EPHA4: variants seen among roughly 807,000 people sequenced by gnomAD.
EPHA4 encodes the protein EPH receptor A4.
EPHA4 carries 19 observed loss-of-function variants against 108.3 expected under a neutral mutation model. The ratio of observed to expected loss-of-function variants is 0.18; its 90% CI spans 0.12 to 0.26. EPHA4 has a LOEUF of 0.26. Ranked by LOEUF, EPHA4 falls within the 10% of genes least tolerant of loss-of-function variation. The pLI is 1.00. For missense variants in EPHA4, 917 were observed against 1,254.0 expected (o/e 0.73, Z 4.06); for synonymous variants, 449 against 455.5 (o/e 0.99, Z 0.18).
chr2:221,494,375 G>C (rs576781365), intron 4 of EPHA4, among the ~76,000 whole-genome samples: 1 of 152,288 alleles, frequency 6.6e-6, no homozygotes, highest in Non-Finnish European at 1.5e-5. Flanking sequence ...AGGCCTAGGC[G>C]GGCGGATCGC....
chr2:221,548,436 G>A (rs1035724204), intron 3 of EPHA4, among the ~76,000 whole-genome samples: 14 of 151,792 alleles, frequency 9.2e-5, no homozygotes, highest in Admixed American at 3.3e-4. Flanking sequence ...ATGCCTGTTC[G>A]CCTTTGCCTT....
intron 3 of EPHA4, among the ~76,000 whole-genome samples, chr2:221,554,040 AAGAAG>A (rs1694236984): frequency 6.6e-6 from 1 of 151,428 alleles, no homozygotes. Flanking sequence ...GTAACTTATT[AAGAAG>A]AGGTTAGTAA....
At chr2:221,484,858 C>T (rs978488320) in intron 4 of EPHA4, among the ~76,000 whole-genome samples, 2 of 152,244 alleles carry the variant, frequency 1.3e-5, no homozygotes, top group Middle Eastern at 3.4e-3. Flanking sequence ...GTGTTCCTCA[C>T]TAAAGGTATA....
chr2:221,456,599 G>A lies in EPHA4; in HGVS notation c.1603+14C>T, dbSNP rs762109879. ...TAGCCTCAGAAGTGACTGAGTCTGG[G>A]TGGTCCTTGTTACCTGTGTTGGTTG... On this transcript the variant is annotated intron_variant, in intron 7 of 17. Coordinates refer to ENST00000281821, the MANE Select transcript of EPHA4 (RefSeq NM_004438.5). The A allele has an allele frequency of 6.2e-7, 1 of 1,613,104 alleles. No individual in the cohort carries two copies. The highest frequency in any genetic ancestry group is 8.5e-7 in the Non-Finnish European group (1 of 1,179,310).
intron 17 of EPHA4, among the ~76,000 whole-genome samples, chr2:221,424,141 T>TAATAA (rs201757702): frequency 2.2e-4 from 21 of 93,776 alleles, no homozygotes; most frequent in South Asian, 7.3e-4. Context: ...ATAATAATAA[T>TAATAA]TTTTTTTTTT....
intron 17 of EPHA4, chr2:221,421,994 C>G (rs1379498570): frequency 6.6e-6 from 1 of 151,678 alleles, no homozygotes; most frequent in African/African-American, 2.4e-5. Flanking sequence ...AATTCCAGCA[C>G]TTTGGGAGCC....
chr2:221,444,531 T>A (rs1044260099), intron 9 of EPHA4, among the ~76,000 whole-genome samples: 2 of 152,084 alleles, frequency 1.3e-5, no homozygotes, highest in African/African-American at 4.8e-5. Context: ...GCTCCTTAAA[T>A]TGGCAATTTC....
At chr2:221,460,384 G>A (rs1691100899) in intron 5 of EPHA4, among the ~76,000 whole-genome samples, 1 of 152,152 alleles carries the variant, frequency 6.6e-6, no homozygotes, top group South Asian at 2.1e-4. Context: ...TTCAACCAAG[G>A]AAAAGTAGAA....
chr2:221,481,049 ACT>A (rs1389726982), intron 5 of EPHA4, among the ~76,000 whole-genome samples: 7 of 152,024 alleles, frequency 4.6e-5, no homozygotes, highest in Non-Finnish European at 5.9e-5. Context: ...AGCCACTCTA[ACT>A]CTGTTTCCCT....
intron 4 of EPHA4, among the ~76,000 whole-genome samples, chr2:221,498,947 C>T (rs1454321494): frequency 2.6e-5 from 4 of 151,772 alleles, no homozygotes; most frequent in African/African-American, 9.7e-5. Context: ...CACACCACCA[C>T]GCCTGTCTAA....
At chr2:221,515,183 C>T (rs145076756) in intron 3 of EPHA4, among the ~76,000 whole-genome samples, 1,562 of 152,292 alleles carry the variant, frequency 0.01, 16 homozygotes, top group Non-Finnish European at 0.017. Context: ...GCAACCTCTG[C>T]CTCCTGGGTT....
intron 5 of EPHA4, among the ~76,000 whole-genome samples, chr2:221,481,819 C>T (rs1019238104): frequency 2.6e-5 from 4 of 152,130 alleles, no homozygotes; most frequent in Non-Finnish European, 5.9e-5. Flanking sequence ...GCTGCTAATG[C>T]TTTTGTTAGA....
At position 221,563,657 on chromosome 2, in the gene EPHA4, C is replaced by T. The variant is rs1694533405; in HGVS notation, c.823+74G>A. ...GGGGCTACTAATTACTGGCTTTACT[C>T]CATTTAGTCTCATCTCTGATTTAAT... On this transcript the variant is annotated intron_variant, in intron 3 of 17. Transcript: ENST00000281821. 3.3e-6 allele frequency: 5 copies of T among 1,530,872 alleles called. No homozygotes were observed. In the Admixed American group the frequency reaches 7.2e-5, roughly 22 times the overall value. 94.8% of individuals were successfully genotyped at this position (1,530,872 alleles called of 1,614,324 possible).
intron 2 of EPHA4, among the ~76,000 whole-genome samples, chr2:221,567,054 GA>G (rs1694690413): frequency 6.6e-6 from 1 of 150,554 alleles, no homozygotes; most frequent in African/African-American, 2.4e-5. Flanking sequence ...AAGCTTTCCA[GA>G]AACTAGATAG....
Position 221,566,595 on chromosome 2 carries a change from C to T in EPHA4, c.159+2123G>A, listed in dbSNP as rs1043681076. The stretch of plus-strand genomic sequence containing the variant: ...TAAAATTATTTATCTTACAATAATG[C>T]TTAAAATGTTACATGCCTAATATTT... On this transcript the variant is annotated intron_variant, in intron 2 of 17. Coordinates refer to ENST00000281821, the MANE Select transcript of EPHA4 (RefSeq NM_004438.5). Among the ~76,000 whole-genome samples the T allele has an allele frequency of 4.6e-5, 7 of 151,528 alleles. No homozygotes were observed. The East Asian group carries it at 1.4e-3, about 29-fold the overall frequency.
intron 3 of EPHA4, among the ~76,000 whole-genome samples, chr2:221,528,875 C>T (rs1251607431): frequency 6.6e-6 from 1 of 152,152 alleles, no homozygotes; most frequent in Non-Finnish European, 1.5e-5. Flanking sequence ...TAAAGGCATG[C>T]TCTTATCCTC....
chr2:221,443,391 A>C (rs996942684), intron 10 of EPHA4, 102 bp downstream of exon 10: 1 of 806,680 alleles, frequency 1.2e-6, no homozygotes, highest in Non-Finnish European at 2.0e-6. Context: ...ATGTATATAC[A>C]CACATATAAT....
intron 3 of EPHA4, among the ~76,000 whole-genome samples, chr2:221,509,887 G>C (rs1359741546): frequency 1.3e-5 from 2 of 152,182 alleles, no homozygotes; most frequent in African/African-American, 4.8e-5. Context: ...GCCTGAACTT[G>C]GTTTTTAGCT....
At chr2:221,441,852 C>T (rs1334598611) in intron 11 of EPHA4, among the ~76,000 whole-genome samples, 1 of 152,182 alleles carries the variant, frequency 6.6e-6, no homozygotes, top group East Asian at 1.9e-4. Context: ...GCCTCAAACT[C>T]CTGGGCTCAA....
Sources: gnomAD v4.1 joint callset for allele counts (sites outside exome capture counted in the v4.1 genomes callset) on GRCh38, gnomAD v4.1.1 for gene constraint, MANE v1.5 for transcripts, NCBI Gene and HGNC (gene_info 2026-07-23, HGNC 2026-07-21) for gene names.